The following PLB1 variants were observed in gnomAD, a reference collection of about 807,000 sequenced individuals.
PLB1 encodes phospholipase B1, membrane-associated.
In PLB1, 242 loss-of-function variants were observed where a neutral mutation model predicts 227.4. The observed-to-expected ratio is 1.06, with a 90% CI of 0.96 to 1.18. PLB1 has a LOEUF of 1.18. Among genes scored for constraint, PLB1 ranks in the 50% most tolerant of loss-of-function variants. The pLI, the probability that PLB1 is intolerant of heterozygous loss-of-function variation, is 0.00. For missense variants in PLB1, 1,858 were observed against 1,816.3 expected (o/e 1.02, Z -0.42); for synonymous variants, 757 against 682.2 (o/e 1.11, Z -1.71).
chr2:28,584,318 C>A (rs558815512), intron 25 of PLB1, among the ~76,000 whole-genome samples: 10 of 152,226 alleles, frequency 6.6e-5, no homozygotes, highest in Non-Finnish European at 1.3e-4. Context: ...CCGCACAGGT[C>A]CCCTGGAGAA....
intron 50 of PLB1, 151 bp from the exon 51 acceptor site, chr2:28,626,277 T>G: frequency 1.6e-6 from 1 of 607,018 alleles, no homozygotes; most frequent in Non-Finnish European, 3.0e-6. Flanking sequence ...ATTACAGGTG[T>G]GAGCCACCGT....
chr2:28,548,689 C>T (rs752181098), intron 14 of PLB1, 171 bp from the exon 15 acceptor site: 45 of 661,650 alleles, frequency 6.8e-5, no homozygotes, highest in Admixed American at 5.0e-4. Context: ...CAGACTGCTG[C>T]CCCAGCCCCA....
At chr2:28,517,451 G>A (rs1668986016) in intron 2 of PLB1, among the ~76,000 whole-genome samples, 1 of 152,182 alleles carries the variant, frequency 6.6e-6, no homozygotes, top group Admixed American at 6.5e-5. Flanking sequence ...CAGCTGAGGA[G>A]GTCCAAGTGG....
intron 14 of PLB1, among the ~76,000 whole-genome samples, chr2:28,544,392 T>C (rs1242391248): frequency 6.6e-6 from 1 of 152,182 alleles, no homozygotes; most frequent in Non-Finnish European, 1.5e-5. Context: ...GGGCTGATGA[T>C]TCCAGCTCAG....
At chr2:28,541,013 A>T (rs896982050) in intron 12 of PLB1, among the ~76,000 whole-genome samples, 1 of 152,112 alleles carries the variant, frequency 6.6e-6, no homozygotes, top group Non-Finnish European at 1.5e-5. Flanking sequence ...TCTACTAAAA[A>T]TACAAAAATT....
intron 43 of PLB1, among the ~76,000 whole-genome samples, chr2:28,613,067 A>G (rs781592644): frequency 6.6e-6 from 1 of 152,094 alleles, no homozygotes; most frequent in Non-Finnish European, 1.5e-5. Context: ...TTACAGGCAC[A>G]TGCCACCATG....
intron 42 of PLB1, among the ~76,000 whole-genome samples, 164 bp from the exon 43 acceptor site, chr2:28,606,332 C>G (rs999912569): frequency 8.5e-5 from 13 of 152,270 alleles, no homozygotes; most frequent in African/African-American, 2.7e-4. Context: ...AGCAAAGCGA[C>G]TGGCCCAAAA....
intron 43 of PLB1, among the ~76,000 whole-genome samples, chr2:28,612,713 A>G (rs1377672793): frequency 2.0e-5 from 3 of 151,006 alleles, no homozygotes; most frequent in Admixed American, 6.6e-5. Context: ...GGTTCAAACA[A>G]TTCTCATGCC....
chr2:28,516,816 C>T lies in PLB1; in HGVS notation c.64C>T (p.Gln22Ter). The T allele has an allele frequency of 6.2e-7, 1 of 1,613,574 alleles. No homozygotes were observed. Among genetic ancestry groups the T allele is most frequent in the African/African-American group, 1.3e-5 (1 of 75,020 alleles). Residue 22 changes from glutamine (Q) to a stop codon, truncating the protein, a stop_gained, in exon 2 of 58, where the codon CAG becomes TAG. Transcript: ENST00000327757. LOFTEE classifies it high-confidence loss of function. ...TTTCTGCTTTCTTTCAGGGACCCCT[C>T]AGATCCATACCTCTCCTAGAAAGAG... ...LLLLLGQGTP[Q>*]IHTSPRKSTL...
intron 1 of PLB1, among the ~76,000 whole-genome samples, chr2:28,498,363 A>C (rs1666721447): frequency 6.7e-6 from 1 of 150,176 alleles, no homozygotes; most frequent in Non-Finnish European, 1.5e-5. Context: ...AGCTGGGACC[A>C]CACACCCACT....
intron 57 of PLB1, among the ~76,000 whole-genome samples, chr2:28,641,426 A>G (rs756546988): frequency 2.0e-5 from 3 of 152,138 alleles, no homozygotes; most frequent in Non-Finnish European, 2.9e-5. Flanking sequence ...TGGCCAACAT[A>G]GTGAAACCCC....
chr2:28,548,676 A>G (rs1284551246), intron 14 of PLB1, 184 bp from the exon 15 acceptor site: 5 of 657,870 alleles, frequency 7.6e-6, no homozygotes, highest in African/African-American at 7.2e-5. Flanking sequence ...GCTGCTTACA[A>G]CACAGACTGC....
rs747031735 is a variant in PLB1, at chr2:28,605,866, A to G, written c.2975A>G (p.Asp992Gly). 12 of 1,613,402 alleles carry G rather than the reference A, an allele frequency of 7.4e-6. No individual in the cohort carries two copies. The East Asian group carries it at 2.2e-4, about 30-fold the overall frequency. The change falls in exon 42 of 58, where the codon GAT (aspartate) becomes GGT (glycine). Residue 992 changes from aspartate to glycine, a missense_variant. By Grantham distance (94) the Asp-to-Gly change is moderately conservative. Transcript: ENST00000327757. ...GGTCTCTTTCAGGATGGGCTCCCAG[A>G]TACGTCCTTCTTTGCCCCAGACTGC... ...QLPVLADGLP[D>G]TSFFAPDCIH...
At chr2:28,548,313 G>A (rs2148218419) in intron 14 of PLB1, among the ~76,000 whole-genome samples, 1 of 152,314 alleles carries the variant, frequency 6.6e-6, no homozygotes, top group Middle Eastern at 3.4e-3. Context: ...AAAAAGCGAT[G>A]CATTTGCCCT....
Position 28,537,608 on chromosome 2 carries a change from G to A in PLB1, c.556-711G>A, listed in dbSNP as rs1435054384. Reference sequence around the variant, plus strand: ...CAGGAGGTGGAGGTTGCACTGAGCCGAGATCACACCACTGCACTCCAACCT... The same window carrying A: ...CAGGAGGTGGAGGTTGCACTGAGCCAAGATCACACCACTGCACTCCAACCT... On this transcript the variant is annotated intron_variant, in intron 9 of 57. Coordinates refer to ENST00000327757, the MANE Select transcript of PLB1 (RefSeq NM_153021.5). 3.0e-5 allele frequency among the ~76,000 whole-genome samples: 4 copies of A among 134,252 alleles called. No homozygotes were observed. In the South Asian group the frequency reaches 9.4e-4, roughly 32 times the overall value. The allele number at this position is 134,252 out of a possible 152,430, so 88.1% of individuals were successfully genotyped here. A position where few individuals can be genotyped will look rare whatever the true frequency, so the allele number is the denominator to read the frequency against.
intron 18 of PLB1, 33 bp downstream of exon 18, chr2:28,563,132 G>GGA (rs1383010544): frequency 1.3e-6 from 2 of 1,591,134 alleles, no homozygotes. Context: ...GGGCAGGAGG[G>GGA]GAAAAGATTT....
intron 25 of PLB1, chr2:28,585,526 C>T (rs976862190): frequency 6.8e-6 from 3 of 440,870 alleles, no homozygotes; most frequent in African/African-American, 4.0e-5. Context: ...ATCCACCCAC[C>T]TCGGCCCACC....
intron 35 of PLB1, 30 bp downstream of exon 35, chr2:28,598,790 C>A: frequency 6.4e-7 from 1 of 1,567,906 alleles, no homozygotes; most frequent in Non-Finnish European, 8.8e-7. Context: ...AGGGAGCCTG[C>A]AGAGCAGGGA....
chr2:28,556,067 T>A (rs1233310952), intron 17 of PLB1, among the ~76,000 whole-genome samples: 2 of 152,082 alleles, frequency 1.3e-5, no homozygotes, highest in Admixed American at 1.3e-4. Context: ...CTCACTATGT[T>A]GCCCGGGCTG....
Sources: gnomAD v4.1 joint callset for allele counts (sites outside exome capture counted in the v4.1 genomes callset) on GRCh38, gnomAD v4.1.1 for gene constraint, MANE v1.5 for transcripts, NCBI Gene and HGNC (gene_info 2026-07-23, HGNC 2026-07-21) for gene names.